The following ACSM2B variants were observed in gnomAD, a reference collection of about 807,000 sequenced individuals.
ACSM2B encodes the protein acyl-coenzyme A synthetase ACSM2B, mitochondrial.
A neutral mutation model predicts 78.6 loss-of-function variants in ACSM2B; 58 were observed. The ratio of observed to expected loss-of-function variants is 0.74; its 90% confidence interval spans 0.60 to 0.92. ACSM2B has a LOEUF of 0.92. Ranked by LOEUF, ACSM2B falls within the 40% of genes least tolerant of loss-of-function variation. ACSM2B has a pLI of 0.00. For missense variants in ACSM2B, 688 were observed against 711.2 expected, an observed-to-expected ratio of 0.97 and a Z score of 0.37; for synonymous variants, 257 against 256.8, an observed-to-expected ratio of 1.00 and a Z score of -0.01.
At chr16:20,559,102 G>C in intron 3 of ACSM2B, 135 bp downstream of exon 3, 1 of 1,439,384 alleles carries the variant, frequency 6.9e-7, no homozygotes, top group Non-Finnish European at 9.2e-7. Flanking sequence ...GAAGCAGGGA[G>C]AAGTCTTTCT....
chr16:20,574,625 C>A (rs916390289), intron 1 of ACSM2B: 1 of 150,582 alleles, frequency 6.6e-6, no homozygotes, highest in Non-Finnish European at 1.5e-5. Flanking sequence ...GCCGATCCCT[C>A]CATTCAGGGT....
rs184545946 is a variant in ACSM2B, at chr16:20,559,808, T to C, written c.178-361A>G. ...TTTTATTTATTGCATCTATTTATTC[T>C]GCAATTCCCTTTAATGTCTTAGTAG... is the stretch of plus-strand genomic sequence containing the variant. On this transcript the variant is annotated intron_variant, in intron 2 of 13. Transcript: ENST00000329697. Among the ~76,000 whole-genome samples the C allele has an allele frequency of 5.0e-4, 75 of 151,180 alleles. 2 individuals are homozygous for C. The highest frequency in any genetic ancestry group is 3.5e-3 in the Admixed American group (53 of 15,290).
intron 1 of ACSM2B, chr16:20,575,679 T>C (rs1267508004): frequency 6.7e-6 from 1 of 148,494 alleles, no homozygotes; most frequent in Non-Finnish European, 1.5e-5. Flanking sequence ...CCGACTCAAA[T>C]GTTAATCTCT....
chr16:20,546,542 T>A (rs1470129679), intron 8 of ACSM2B, 68 bp from the exon 9 acceptor site: 4 of 1,565,164 alleles, frequency 2.6e-6, no homozygotes, highest in South Asian at 1.2e-5. Flanking sequence ...AAAGAAAAAA[T>A]TTCTGCAGAG....
rs2015038908 is a variant in ACSM2B, at chr16:20,542,980, T to G, written c.1443A>C (p.Ala481=). ...CAACCACAGCAGGGTGCTTCATCAG[T>G]GCATTCTCTACCTCCGAGGGTCCAA... ...YRIGPSEVEN[A]LMKHPAVVET... is the part of the protein sequence containing the mutation. Residue 481 remains alanine (A), a synonymous_variant, in exon 12 of 14, where the codon GCA becomes GCC. Coordinates refer to ENST00000329697, the MANE Select transcript of ACSM2B (RefSeq NM_001105069.2). 7 of 1,613,642 alleles carry G rather than the reference T, an allele frequency of 4.3e-6. No homozygotes were observed. The East Asian group carries it at 1.6e-4, about 36-fold the overall frequency.
intron 4 of ACSM2B, chr16:20,554,298 C>T (rs565059606): frequency 1.3e-3 from 509 of 385,406 alleles, no homozygotes; most frequent in Non-Finnish European, 2.0e-3. Flanking sequence ...TGTGAAGAGC[C>T]CTGGCATGAC....
At position 20,553,911 on chromosome 16, in the gene ACSM2B, G is replaced by T; in HGVS notation, c.606C>A (p.Ser202=). Residue 202 remains serine, a synonymous_variant, in exon 5 of 14, where the codon TCC becomes TCA. Transcript: ENST00000329697. ...LNFKKLLNEA[S]TTHHCVETGS... is the part of the protein sequence containing the mutation. ...CAGTCTCCACACAGTGATGAGTGGT[G>T]GATGCCTCACTGACAAAGACACAGA... The T allele has an allele frequency of 6.2e-7, 1 of 1,613,636 alleles. No individual in the cohort carries two copies. Among genetic ancestry groups the T allele is most frequent in the Non-Finnish European group, 8.5e-7 (1 of 1,179,746 alleles).
rs2015880053 is a variant in ACSM2B at position 20,566,700 on chromosome 16, A to ATATATATC, written c.-8-1848_-8-1847insGATATATA. Among the ~76,000 whole-genome samples, 2 of 6,704 alleles carry ATATATATC rather than the reference A, an allele frequency of 3.0e-4. 1 individual carries two copies. Among genetic ancestry groups the ATATATATC allele is most frequent in the East Asian group, 7.4e-3 (2 of 272 alleles). The allele number at this position is 6,704 out of a possible 152,430, so 4.4% of individuals were successfully genotyped here. A position where few individuals can be genotyped will look rare whatever the true frequency, so the allele number is the denominator to read the frequency against. ...ACATATAGTATATACTATATATAGT[A>ATATATATC]TATATATAGTATATATAGTATATAC... On this transcript the variant is annotated intron_variant, in intron 1 of 13. Coordinates refer to ENST00000329697, the MANE Select transcript of ACSM2B (RefSeq NM_001105069.2).
At chr16:20,561,620 A>G (rs2015657376) in intron 2 of ACSM2B, among the ~76,000 whole-genome samples, 1 of 151,930 alleles carries the variant, frequency 6.6e-6, no homozygotes, top group Non-Finnish European at 1.5e-5. Context: ...TATCCAAACT[A>G]TGTCACTTTG....
At position 20,542,969 on chromosome 16, in the gene ACSM2B, T is replaced by C. The variant is rs2015038363; in HGVS notation, c.1454A>G (p.His485Arg). ...CACAGCCGTCTCAACCACAGCAGGG[T>C]GCTTCATCAGTGCATTCTCTACCTC... ...PSEVENALMKHPAVVETAVIS... is the reference protein window; with the variant it reads ...PSEVENALMKRPAVVETAVIS... Residue 485 changes from histidine (H) to arginine (R), a missense_variant, in exon 12 of 14, where the codon CAC becomes CGC. By Grantham distance (29) the His-to-Arg change is conservative. Transcript: ENST00000329697. The C allele has an allele frequency of 6.2e-7, 1 of 1,613,464 alleles. No homozygotes were observed. Among genetic ancestry groups the C allele is most frequent in the Non-Finnish European group, 8.5e-7 (1 of 1,179,860 alleles).
chr16:20,556,432 G>A (rs953459139), intron 3 of ACSM2B, among the ~76,000 whole-genome samples: 16 of 152,104 alleles, frequency 1.1e-4, no homozygotes, highest in African/African-American at 3.9e-4. Context: ...CGAAACCCCA[G>A]CTTTACTAAA....
chr16:20,570,466 C>A (rs1352650162), intron 1 of ACSM2B, among the ~76,000 whole-genome samples: 1 of 151,634 alleles, frequency 6.6e-6, no homozygotes, highest in Non-Finnish European at 1.5e-5. Flanking sequence ...AGTTAGCTAG[C>A]AGCTAATTAA....
intron 13 of ACSM2B, among the ~76,000 whole-genome samples, chr16:20,537,646 C>T (rs995841515): frequency 1.3e-5 from 2 of 152,330 alleles, no homozygotes; most frequent in African/African-American, 4.8e-5. Flanking sequence ...ATCAGACTCT[C>T]TGGACCCCAG....
At chr16:20,566,682 G>GTATATATAGTA (rs1235758959) in intron 1 of ACSM2B, among the ~76,000 whole-genome samples, 4 of 4,022 alleles carry the variant, frequency 9.9e-4, no homozygotes, top group African/African-American at 2.4e-3. Flanking sequence ...TATACATATA[G>GTATATATAGTA]TATATACTAT....
At chr16:20,571,931 T>C (rs1039422056) in intron 1 of ACSM2B, among the ~76,000 whole-genome samples, 1 of 151,774 alleles carries the variant, frequency 6.6e-6, no homozygotes, top group Non-Finnish European at 1.5e-5. Context: ...GAATGTCTTT[T>C]TCCACCCCCT....
At chr16:20,571,278 C>T (rs2016087806) in intron 1 of ACSM2B, among the ~76,000 whole-genome samples, 1 of 151,846 alleles carries the variant, frequency 6.6e-6, no homozygotes, top group Non-Finnish European at 1.5e-5. Context: ...TCACTATTGT[C>T]CTTCAGTGTG....
chr16:20,558,804 T>A (rs1055886860), intron 3 of ACSM2B, among the ~76,000 whole-genome samples: 1 of 152,246 alleles, frequency 6.6e-6, no homozygotes, highest in South Asian at 2.1e-4. Context: ...TGCAGCCACA[T>A]ATAATATGGA....
chr16:20,553,812 G>T lies in ACSM2B; in HGVS notation c.705C>A (p.Tyr235Ter). 1.2e-6 allele frequency: 2 copies of T among 1,612,376 alleles called. No homozygotes were observed. Among genetic ancestry groups the T allele is most frequent in the Non-Finnish European group, 1.7e-6 (2 of 1,178,718 alleles). Residue 235 changes from tyrosine (Y) to a stop codon, truncating the protein, a stop_gained, in exon 5 of 14, where the codon TAC (tyrosine) becomes TAA (stop). Transcript: ENST00000329697. LOFTEE classifies it high-confidence loss of function. ...SGLPKMAEHS[Y>*]SSLGLKAKMD... The stretch of plus-strand genomic sequence containing the variant: ...TCTTGGCCTTGAGGCCCAGGCTCGA[G>T]TAGGAATGTTCTGCCATCTTGGGAA...
intron 3 of ACSM2B, among the ~76,000 whole-genome samples, chr16:20,558,134 C>T (rs1377729899): frequency 3.9e-5 from 6 of 152,140 alleles, no homozygotes; most frequent in Admixed American, 3.9e-4. Context: ...CGATAGATTA[C>T]ATCATTATGG....
Sources: gnomAD v4.1 joint callset for allele counts (sites outside exome capture counted in the v4.1 genomes callset) on GRCh38, gnomAD v4.1.1 for gene constraint, MANE v1.5 for transcripts, NCBI Gene and HGNC (gene_info 2026-07-23, HGNC 2026-07-21) for gene names.